Variants in DOCK9 observed in about 807,000 individuals in gnomAD.
DOCK9 encodes dedicator of cytokinesis 9.
A neutral mutation model predicts 263.3 loss-of-function variants in DOCK9; 89 were observed. That is an observed-to-expected ratio of 0.34 (90% confidence interval 0.28 to 0.40). The LOEUF is 0.40. Among genes scored for constraint, DOCK9 ranks in the 10% least tolerant of loss-of-function variants. The pLI is 1.00. For synonymous variants in DOCK9, 976 were observed against 973.1 expected, an observed-to-expected ratio of 1.00 and a Z score of -0.06; for missense variants, 2,140 against 2,603.4, an observed-to-expected ratio of 0.82 and a Z score of 3.87.
At chr13:98,903,455 G>A (rs145003474) in intron 10 of DOCK9, among the ~76,000 whole-genome samples, 76 of 152,144 alleles carry the variant, frequency 5.0e-4, no homozygotes, top group African/African-American at 1.7e-3. Context: ...TTAGCCAGGT[G>A]TGGTAGTGGG....
intron 1 of DOCK9, among the ~76,000 whole-genome samples, chr13:99,042,341 CT>C: frequency 6.6e-6 from 1 of 152,214 alleles, no homozygotes; most frequent in Non-Finnish European, 1.5e-5. Flanking sequence ...CCTTCCATAC[CT>C]TCTGTCCAAA....
intron 32 of DOCK9, among the ~76,000 whole-genome samples, chr13:98,862,668 A>G (rs184220068): frequency 9.4e-4 from 142 of 150,890 alleles, no homozygotes; most frequent in Non-Finnish European, 1.5e-3. Flanking sequence ...CAGCCTGGGC[A>G]ACAGAGCAAG....
chr13:98,943,759 A>G (rs1188317617), intron 2 of DOCK9, among the ~76,000 whole-genome samples: 2 of 152,188 alleles, frequency 1.3e-5, no homozygotes, highest in Non-Finnish European at 2.9e-5. Flanking sequence ...TTAAAAAAAA[A>G]TTACAGCTTT....
chr13:98,897,676 G>A (rs2047640062), intron 14 of DOCK9, 66 bp from the exon 15 acceptor site: 3 of 1,581,278 alleles, frequency 1.9e-6, no homozygotes, highest in South Asian at 1.2e-5. Flanking sequence ...CATTATTTAA[G>A]TCTAGTTTCT....
chr13:99,086,407 G>A (rs1168209217), exon 1 of DOCK9: 3 of 1,002,292 alleles, frequency 3.0e-6, no homozygotes, highest in East Asian at 8.5e-5. Context: ...GCCCGGCCGC[G>A]CGGCCGCCAG....
At chr13:99,028,711 A>G (rs1025278447) in intron 1 of DOCK9, among the ~76,000 whole-genome samples, 3 of 152,246 alleles carry the variant, frequency 2.0e-5, no homozygotes, top group African/African-American at 7.2e-5. Flanking sequence ...AAGCCCAGCA[A>G]CAGGTAATGT....
At chr13:98,808,640 C>T in intron 47 of DOCK9, 1 of 1,583,856 alleles carries the variant, frequency 6.3e-7, no homozygotes, top group Non-Finnish European at 8.7e-7. Flanking sequence ...CTGTAATTAC[C>T]TCCACATCTG....
intron 1 of DOCK9, among the ~76,000 whole-genome samples, chr13:98,990,276 T>A (rs1879493092): frequency 6.6e-6 from 1 of 152,224 alleles, no homozygotes; most frequent in African/African-American, 2.4e-5. Context: ...ATGAAAATAA[T>A]GCCCCATCCA....
chr13:98,817,963 C>T (rs1417424256), intron 45 of DOCK9, among the ~76,000 whole-genome samples: 1 of 152,032 alleles, frequency 6.6e-6, no homozygotes, highest in African/African-American at 2.4e-5. Context: ...AACATTATTT[C>T]GTCTTCTTTT....
chr13:98,986,703 A>G (rs530797968), intron 1 of DOCK9, among the ~76,000 whole-genome samples: 2 of 152,306 alleles, frequency 1.3e-5, no homozygotes, highest in South Asian at 4.2e-4. Flanking sequence ...CTGATTTCCT[A>G]TGTGAACTTA....
intron 1 of DOCK9, among the ~76,000 whole-genome samples, chr13:99,066,862 A>T (rs996227944): frequency 2.0e-4 from 31 of 152,184 alleles, no homozygotes; most frequent in Non-Finnish European, 4.1e-4. Context: ...TATCTCATTC[A>T]TGGTAATTTC....
intron 1 of DOCK9, among the ~76,000 whole-genome samples, chr13:98,956,351 G>A (rs1186438885): frequency 6.6e-6 from 1 of 152,134 alleles, no homozygotes; most frequent in African/African-American, 2.4e-5. Flanking sequence ...TTCCACATGC[G>A]AGGCATTGAC....
chr13:99,077,790 T>G (rs12871473), intron 1 of DOCK9, among the ~76,000 whole-genome samples: 1 of 152,146 alleles, frequency 6.6e-6, no homozygotes, highest in African/African-American at 2.4e-5. Context: ...ACATTCAAGA[T>G]GGGGGCTGTC....
At chr13:98,828,929 C>T (rs1472377409) in intron 43 of DOCK9, among the ~76,000 whole-genome samples, 1 of 152,162 alleles carries the variant, frequency 6.6e-6, no homozygotes, top group East Asian at 1.9e-4. Context: ...AGGAAATGGA[C>T]TACCCTACAG....
intron 38 of DOCK9, among the ~76,000 whole-genome samples, chr13:98,843,802 C>A (rs1285515773): frequency 6.6e-6 from 1 of 152,164 alleles, no homozygotes; most frequent in Non-Finnish European, 1.5e-5. Flanking sequence ...CTGTCTCTCT[C>A]CTCCAATTCA....
Position 98,810,254 on chromosome 13 carries a change from C to T in DOCK9, c.5168G>A (p.Gly1723Glu). The change falls in exon 46 of 53, where the codon GGA (glycine) becomes GAA (glutamate). Residue 1723 changes from glycine to glutamate, a missense_variant. Physicochemically the swap from Gly to Glu is moderately conservative, Grantham distance 98 (BLOSUM62 -2). Around this residue, in one of 2 missense-constraint regions of DOCK9, gnomAD observed 619 missense variants for 861.8 expected, o/e 0.72. Coordinates refer to ENST00000682017, the MANE Select transcript of DOCK9 (RefSeq NM_001366683.2). The stretch of plus-strand genomic sequence containing the variant: ...CTCGTAGCGCTCGGCTTTCCAGAGT[C>T]CATCTGCGCACTGCTCAAGGAGCTC... ...LMELLEQCAD[G>E]LWKAERYELI... 1 of 1,613,822 alleles carries T rather than the reference C, an allele frequency of 6.2e-7. No individual in the cohort carries two copies. Among genetic ancestry groups the T allele is most frequent in the East Asian group, 2.2e-5 (1 of 44,878 alleles).
At chr13:98,796,616 A>G (rs1169585950) in intron 52 of DOCK9, among the ~76,000 whole-genome samples, 2 of 152,218 alleles carry the variant, frequency 1.3e-5, no homozygotes, top group Admixed American at 6.5e-5. Flanking sequence ...GTGACAAGGA[A>G]CTTAAAGGAA....
chr13:98,957,315 C>T (rs1230187831), intron 1 of DOCK9, among the ~76,000 whole-genome samples: 1 of 152,202 alleles, frequency 6.6e-6, no homozygotes, highest in Admixed American at 6.5e-5. Flanking sequence ...CCTGAAGTAG[C>T]AGTCAACTTG....
At chr13:98,855,558 C>T (rs1272831594) in intron 34 of DOCK9, among the ~76,000 whole-genome samples, 4 of 151,890 alleles carry the variant, frequency 2.6e-5, no homozygotes, top group Non-Finnish European at 4.4e-5. Flanking sequence ...GGCGACAGAG[C>T]GAGACTCTGT....
Sources: gnomAD v4.1 joint callset for allele counts (sites outside exome capture counted in the v4.1 genomes callset) on GRCh38, gnomAD v4.1.1 for gene constraint, gnomAD v4.1.1 regional missense constraint, MANE v1.5 for transcripts, NCBI Gene and HGNC (gene_info 2026-07-23, HGNC 2026-07-21) for gene names.